Variants in PPP6C observed in about 807,000 individuals in gnomAD.
PPP6C encodes protein phosphatase 6 catalytic subunit, also known as serine/threonine-protein phosphatase 6 catalytic subunit.
PPP6C carries 11 observed loss-of-function variants against 39.8 expected under a neutral mutation model. The observed-to-expected ratio is 0.28, with a 90% CI of 0.17 to 0.46. The LOEUF is 0.46. Among genes scored for constraint, PPP6C ranks in the 20% least tolerant of loss-of-function variants. PPP6C has a pLI of 1.00. For missense variants in PPP6C, 211 were observed against 373.9 expected (o/e 0.56, Z 3.59); for synonymous variants, 129 against 130.3 (o/e 0.99, Z 0.07).
chr9:125,186,389 T>C (rs1296643014), intron 1 of PPP6C, among the ~76,000 whole-genome samples: 1 of 152,016 alleles, frequency 6.6e-6, no homozygotes, highest in Non-Finnish European at 1.5e-5. Flanking sequence ...TCTCTACCTA[T>C]AAAGAAAAAT....
chr9:125,188,374 G>A (rs549686478), intron 1 of PPP6C, among the ~76,000 whole-genome samples: 1 of 151,998 alleles, frequency 6.6e-6, no homozygotes, highest in Non-Finnish European at 1.5e-5. Context: ...GACAGAGCGA[G>A]ACTCCGTCTC....
Position 125,153,958 on chromosome 9 carries a change from G to T in PPP6C, c.407C>A (p.Ala136Asp). The change falls in exon 5 of 7, where the codon GCT (alanine) becomes GAT (aspartate). Residue 136 changes from alanine to aspartate, a missense_variant. Coordinates refer to ENST00000373547, the MANE Select transcript of PPP6C (RefSeq NM_002721.5). ...TTTGGTACAGTATCTCCAGGCATTA[G>T]CATTTCCATATTTGGTTTGGCACTC... Reference protein sequence around the residue: ...YDECQTKYGNANAWRYCTKVF... With the variant: ...YDECQTKYGNDNAWRYCTKVF... The T allele has an allele frequency of 6.2e-7, 1 of 1,610,920 alleles. No homozygotes were observed. Among genetic ancestry groups the T allele is most frequent in the Non-Finnish European group, 8.5e-7 (1 of 1,177,238 alleles).
At chr9:125,172,016 G>C in intron 1 of PPP6C, 2 of 461,194 alleles carry the variant, frequency 4.3e-6, no homozygotes, top group Non-Finnish European at 8.9e-6. Context: ...AAACAAATCA[G>C]ATATCCTTCA....
chr9:125,185,563 G>A (rs972383635), intron 1 of PPP6C, among the ~76,000 whole-genome samples: 14 of 151,362 alleles, frequency 9.2e-5, no homozygotes, highest in African/African-American at 3.4e-4. Flanking sequence ...GAGTGGTGGT[G>A]GGTGCCTGTA....
At chr9:125,166,215 T>A (rs1001954409) in intron 2 of PPP6C, among the ~76,000 whole-genome samples, 3 of 152,192 alleles carry the variant, frequency 2.0e-5, no homozygotes, top group Non-Finnish European at 4.4e-5. Context: ...AAAACCATAT[T>A]TGTTAATATC....
At chr9:125,177,299 G>A (rs1054854640) in intron 1 of PPP6C, among the ~76,000 whole-genome samples, 2 of 152,108 alleles carry the variant, frequency 1.3e-5, no homozygotes, top group Admixed American at 1.3e-4. Flanking sequence ...GCGTGAACCC[G>A]GGAGGCCGAA....
At chr9:125,178,474 A>AT (rs996789280) in intron 1 of PPP6C, among the ~76,000 whole-genome samples, 1 of 151,998 alleles carries the variant, frequency 6.6e-6, no homozygotes, top group Non-Finnish European at 1.5e-5. Context: ...TCTTTTGTCC[A>AT]TTTTTTTGGC....
chr9:125,181,118 T>C (rs1829412643), intron 1 of PPP6C, among the ~76,000 whole-genome samples: 1 of 152,070 alleles, frequency 6.6e-6, no homozygotes, highest in Non-Finnish European at 1.5e-5. Context: ...CACACAAAAA[T>C]AAGAAGTCTA....
chr9:125,185,635 A>G (rs901097651), intron 1 of PPP6C, among the ~76,000 whole-genome samples: 31 of 151,266 alleles, frequency 2.0e-4, no homozygotes, highest in Non-Finnish European at 3.4e-4. Flanking sequence ...CGGAGGTTGC[A>G]GTGAGCTGAG....
At chr9:125,159,544 T>A (rs1439937904) in intron 3 of PPP6C, among the ~76,000 whole-genome samples, 1 of 152,094 alleles carries the variant, frequency 6.6e-6, no homozygotes. Flanking sequence ...TTTAACTGTA[T>A]TGGAAGAGTT....
intron 2 of PPP6C, among the ~76,000 whole-genome samples, chr9:125,166,471 G>T (rs1829013813): frequency 6.6e-6 from 1 of 150,576 alleles, no homozygotes; most frequent in East Asian, 2.0e-4. Flanking sequence ...TAAAAATAGT[G>T]TTCCATAAAA....
chr9:125,173,948 G>A (rs916605427), intron 1 of PPP6C, among the ~76,000 whole-genome samples: 2 of 152,132 alleles, frequency 1.3e-5, no homozygotes, highest in African/African-American at 4.8e-5. Flanking sequence ...AACTCTAAAT[G>A]TTTGCACTTC....
chr9:125,150,461 T>C (rs1356224068), intron 6 of PPP6C, among the ~76,000 whole-genome samples: 1 of 146,842 alleles, frequency 6.8e-6, no homozygotes, highest in African/African-American at 2.5e-5. Flanking sequence ...TTGAAAACAG[T>C]TGAAAGTTCA....
chr9:125,188,949 T>C, intron 1 of PPP6C: 1 of 1,548,396 alleles, frequency 6.5e-7, no homozygotes, highest in Non-Finnish European at 8.7e-7. Flanking sequence ...AATGAAATAC[T>C]GAGTTAAGAA....
At chr9:125,164,216 C>CTTTTTTT (rs1307179998) in intron 2 of PPP6C, among the ~76,000 whole-genome samples, 1 of 119,794 alleles carries the variant, frequency 8.3e-6, no homozygotes. Flanking sequence ...CTCCCTCACT[C>CTTTTTTT]TCTTTTTTTT....
chr9:125,177,497 G>C (rs1829327300), intron 1 of PPP6C, among the ~76,000 whole-genome samples: 1 of 151,982 alleles, frequency 6.6e-6, no homozygotes, highest in South Asian at 2.1e-4. Context: ...AGGAGTTCAA[G>C]ACCGCCCTCA....
At chr9:125,160,081 C>A (rs1828824371) in intron 3 of PPP6C, among the ~76,000 whole-genome samples, 1 of 151,744 alleles carries the variant, frequency 6.6e-6, no homozygotes, top group African/African-American at 2.4e-5. Flanking sequence ...AGAGAAGGAT[C>A]CAGAAAAAGT....
chr9:125,184,275 C>A (rs1215412097), intron 1 of PPP6C, among the ~76,000 whole-genome samples: 1 of 152,036 alleles, frequency 6.6e-6, no homozygotes, highest in Non-Finnish European at 1.5e-5. Flanking sequence ...GTAGTCCCAG[C>A]TACTTGGGAG....
rs147386499 is a variant in PPP6C, at chr9:125,180,063, C to T, written c.76-8883G>A. ...TTCATTATATTCACAGTGGTGGCAA[C>T]CATCACCATAATCAATTTTAGGACA... On this transcript the variant is annotated intron_variant, in intron 1 of 6. Coordinates refer to ENST00000373547, the MANE Select transcript of PPP6C (RefSeq NM_002721.5). Among the ~76,000 whole-genome samples, 53 of 152,206 alleles carry T rather than the reference C, an allele frequency of 3.5e-4. 1 individual carries two copies. In the East Asian group the frequency reaches 9.6e-3, roughly 28 times the overall value.
Sources: allele counts gnomAD v4.1 joint callset (sites outside exome capture counted in the v4.1 genomes callset), GRCh38; gene constraint gnomAD v4.1.1; transcripts MANE v1.5; gene names NCBI Gene and HGNC (gene_info 2026-07-23, HGNC 2026-07-21).